MROH9: variants seen among roughly 807,000 people sequenced by gnomAD.
MROH9 encodes maestro heat-like repeat-containing protein family member 9.
Under a neutral mutation model 98.2 loss-of-function variants are expected in MROH9, and 92 were observed. The ratio of observed to expected loss-of-function variants is 0.94; its 90% CI spans 0.79 to 1.11. The LOEUF (loss-of-function observed/expected upper bound fraction) is 1.11, where lower values mean the gene tolerates loss of function less well. Among genes scored for constraint, MROH9 ranks in the 50% most tolerant of loss-of-function variants. The pLI, the probability that MROH9 is intolerant of heterozygous loss-of-function variation, is 0.00. For synonymous variants in MROH9, 397 were observed against 368.9 expected, an observed-to-expected ratio of 1.08 and a Z score of -0.87; for missense variants, 1,057 against 1,014.8, an observed-to-expected ratio of 1.04 and a Z score of -0.57.
chr1:171,050,831 G>A (rs901548590), intron 20 of MROH9, among the ~76,000 whole-genome samples: 1 of 152,110 alleles, frequency 6.6e-6, no homozygotes, highest in Non-Finnish European at 1.5e-5. Context: ...ATTATTTTGA[G>A]GTATGTTCCT....
At chr1:171,015,290 T>TAC in intron 16 of MROH9, 1 of 297,930 alleles carries the variant, frequency 3.4e-6, no homozygotes, top group South Asian at 3.1e-5. Flanking sequence ...AGCAGCAAAT[T>TAC]ATTTATTGCT....
At chr1:170,983,109 C>G (rs1018763338) in intron 8 of MROH9, among the ~76,000 whole-genome samples, 3 of 152,176 alleles carry the variant, frequency 2.0e-5, no homozygotes, top group Admixed American at 6.5e-5. Flanking sequence ...TGCCAATAGA[C>G]CCTCCAGCTT....
At chr1:171,038,487 A>G (rs1266752275) in intron 20 of MROH9, among the ~76,000 whole-genome samples, 1 of 152,144 alleles carries the variant, frequency 6.6e-6, no homozygotes, top group East Asian at 1.9e-4. Flanking sequence ...TGACTCAGTA[A>G]TCTCCTCTCA....
intron 16 of MROH9, 121 bp from the exon 17 acceptor site, chr1:171,016,042 T>A (rs769332800): frequency 9.3e-6 from 5 of 536,238 alleles, no homozygotes; most frequent in Non-Finnish European, 1.5e-5. Context: ...TGACAAGAGA[T>A]TTTCGTGAGT....
At chr1:171,024,914 G>C in intron 19 of MROH9, 149 bp downstream of exon 19, 1 of 603,306 alleles carries the variant, frequency 1.7e-6, no homozygotes, top group Non-Finnish European at 2.9e-6. Context: ...TATAGCTGGA[G>C]CTTGAGCCGA....
intron 3 of MROH9, among the ~76,000 whole-genome samples, chr1:170,957,085 T>C (rs557155721): frequency 2.0e-5 from 3 of 152,192 alleles, no homozygotes; most frequent in African/African-American, 7.2e-5. Flanking sequence ...TTATCTGATT[T>C]ATGTTTTACA....
intron 20 of MROH9, among the ~76,000 whole-genome samples, chr1:171,030,693 G>A (rs1005092395): frequency 6.6e-6 from 1 of 152,168 alleles, no homozygotes; most frequent in African/African-American, 2.4e-5. Flanking sequence ...GCTGAGGAAT[G>A]TTTTATTTCC....
chr1:171,025,472 G>A, intron 20 of MROH9, 52 bp downstream of exon 20: 1 of 1,197,604 alleles, frequency 8.4e-7, no homozygotes, highest in Non-Finnish European at 1.2e-6. Flanking sequence ...GGTATAGAAT[G>A]GAGAAGAAAC....
chr1:171,037,251 G>A (rs1653133497), intron 20 of MROH9, among the ~76,000 whole-genome samples: 1 of 150,950 alleles, frequency 6.6e-6, no homozygotes, highest in East Asian at 1.9e-4. Context: ...GAATGACGGA[G>A]GGAGAGAGGA....
intron 20 of MROH9, among the ~76,000 whole-genome samples, chr1:171,031,040 C>T (rs925449941): frequency 1.3e-5 from 2 of 152,138 alleles, no homozygotes; most frequent in African/African-American, 2.4e-5. Flanking sequence ...AATGTAATGT[C>T]CTTTTTCTTC....
intron 20 of MROH9, among the ~76,000 whole-genome samples, chr1:171,027,200 G>A (rs753498102): frequency 6.6e-6 from 1 of 151,706 alleles, no homozygotes; most frequent in African/African-American, 2.4e-5. Flanking sequence ...AAGTTCCCTC[G>A]CCTCAACCCC....
intron 20 of MROH9, among the ~76,000 whole-genome samples, chr1:171,050,085 G>T (rs1003065831): frequency 6.6e-6 from 1 of 152,164 alleles, no homozygotes; most frequent in Non-Finnish European, 1.5e-5. Flanking sequence ...CCTATGGATT[G>T]TCTGTTTACT....
At chr1:170,937,662 C>T (rs1271087389) in intron 1 of MROH9, among the ~76,000 whole-genome samples, 3 of 150,068 alleles carry the variant, frequency 2.0e-5, no homozygotes, top group Non-Finnish European at 4.5e-5. Context: ...GCTGGGACTA[C>T]AGGCGCCCGC....
intron 20 of MROH9, among the ~76,000 whole-genome samples, chr1:171,037,883 G>T (rs796496605): frequency 4.6e-5 from 7 of 152,062 alleles, no homozygotes; most frequent in African/African-American, 1.7e-4. Flanking sequence ...GAGCCATCTG[G>T]AATTTTTAGA....
At chr1:171,028,937 A>T (rs1052814151) in intron 20 of MROH9, among the ~76,000 whole-genome samples, 1 of 152,160 alleles carries the variant, frequency 6.6e-6, no homozygotes, top group Non-Finnish European at 1.5e-5. Flanking sequence ...AGTTTTCTAA[A>T]TATAGAATCA....
intron 2 of MROH9, among the ~76,000 whole-genome samples, chr1:170,946,135 A>C (rs1649323266): frequency 6.6e-6 from 1 of 152,104 alleles, no homozygotes; most frequent in Non-Finnish European, 1.5e-5. Context: ...ACCCACATAA[A>C]GATGAAGTTG....
intron 20 of MROH9, among the ~76,000 whole-genome samples, chr1:171,037,182 T>C (rs1421098648): frequency 6.6e-6 from 1 of 151,512 alleles, no homozygotes; most frequent in Non-Finnish European, 1.5e-5. Context: ...ATATCCCATT[T>C]ATAGTAGGTA....
chr1:171,016,951 A>T (rs948079498), intron 17 of MROH9, among the ~76,000 whole-genome samples: 2 of 152,166 alleles, frequency 1.3e-5, no homozygotes, highest in Non-Finnish European at 2.9e-5. Context: ...CTCCACAATA[A>T]ATTGTTAGTA....
At chr1:170,979,176 A>G (rs1268571937) in intron 8 of MROH9, among the ~76,000 whole-genome samples, 1 of 152,256 alleles carries the variant, frequency 6.6e-6, no homozygotes. Context: ...AACGTGGGTT[A>G]CTTTATTGTG....
Sources: gnomAD v4.1 joint callset for allele counts (sites outside exome capture counted in the v4.1 genomes callset) on GRCh38, gnomAD v4.1.1 for gene constraint, MANE v1.5 for transcripts, NCBI Gene and HGNC (gene_info 2026-07-23, HGNC 2026-07-21) for gene names.